MACROD2: variants seen among roughly 807,000 people sequenced by gnomAD.
MACROD2 encodes the protein mono-ADP ribosylhydrolase 2.
MACROD2 carries 36 observed loss-of-function variants against 70.4 expected under a neutral mutation model. That is an observed-to-expected ratio of 0.51 (90% confidence interval 0.39 to 0.68). The LOEUF (loss-of-function observed/expected upper bound fraction) is 0.68, where lower values mean the gene tolerates loss of function less well. Ranked by LOEUF, MACROD2 falls within the 30% of genes least tolerant of loss-of-function variation. The pLI, the probability that MACROD2 is intolerant of heterozygous loss-of-function variation, is 0.00. For synonymous variants in MACROD2, 172 were observed against 178.8 expected, an observed-to-expected ratio of 0.96 and a Z score of 0.30; for missense variants, 496 against 538.4, an observed-to-expected ratio of 0.92 and a Z score of 0.78.
chr20:14,700,042 T>C (rs184950140), intron 5 of MACROD2, among the ~76,000 whole-genome samples: 1 of 151,288 alleles, frequency 6.6e-6, no homozygotes, highest in East Asian at 1.9e-4. Context: ...AAGTTTAAAG[T>C]TTAAATCTAG....
At chr20:14,610,516 T>A (rs1006024874) in intron 4 of MACROD2, among the ~76,000 whole-genome samples, 4 of 152,136 alleles carry the variant, frequency 2.6e-5, no homozygotes, top group East Asian at 1.9e-4. Context: ...AGCAATAATG[T>A]TGGGATAAAT....
chr20:14,658,295 A>G (rs1179960379), intron 4 of MACROD2, among the ~76,000 whole-genome samples: 1 of 152,242 alleles, frequency 6.6e-6, no homozygotes, highest in Non-Finnish European at 1.5e-5. Flanking sequence ...GTTTAGCCAT[A>G]GCATGTGAAG....
intron 3 of MACROD2, chr20:14,223,455 A>G (rs1470162854): frequency 3.3e-5 from 5 of 151,972 alleles, no homozygotes; most frequent in Admixed American, 2.6e-4. Flanking sequence ...TCCAGGAAAG[A>G]CATCCTGGTG....
chr20:14,817,865 A>G (rs886662363), intron 5 of MACROD2, among the ~76,000 whole-genome samples: 3 of 152,154 alleles, frequency 2.0e-5, no homozygotes, highest in African/African-American at 7.2e-5. Context: ...CCAGCCTGCC[A>G]TGCAAAAGGA....
intron 15 of MACROD2, among the ~76,000 whole-genome samples, chr20:16,033,027 A>C (rs2067176076): frequency 6.6e-6 from 1 of 152,080 alleles, no homozygotes; most frequent in Non-Finnish European, 1.5e-5. Flanking sequence ...GACTAAAAAC[A>C]ATTATTCTTG....
chr20:14,376,505 T>C (rs1304604582), intron 3 of MACROD2, among the ~76,000 whole-genome samples: 1 of 152,054 alleles, frequency 6.6e-6, no homozygotes, highest in Admixed American at 6.6e-5. Flanking sequence ...CCCAGCACTT[T>C]GGGAGGCCAA....
rs79211311 is a variant in MACROD2 at position 15,908,480 on chromosome 20, T to G, written c.775+22669T>G. Among the ~76,000 whole-genome samples, 1,852 of 152,280 alleles carry G rather than the reference T, an allele frequency of 0.012. 62 individuals carry two copies. The East Asian group carries it at 0.15, about 12-fold the overall frequency. On this transcript the variant is annotated intron_variant, in intron 10 of 17. Transcript: ENST00000684519. ...GACTCTGCCCACATCTTTTAAAATA[T>G]CCCATATTAAACTTTTTACACCCCT...
intron 5 of MACROD2, among the ~76,000 whole-genome samples, chr20:14,966,315 C>G (rs1166729558): frequency 6.6e-6 from 1 of 152,094 alleles, no homozygotes; most frequent in Non-Finnish European, 1.5e-5. Context: ...ATGGAACATG[C>G]CTATAATCCC....
At chr20:14,110,850 C>T (rs2054440927) in intron 3 of MACROD2, among the ~76,000 whole-genome samples, 1 of 151,838 alleles carries the variant, frequency 6.6e-6, no homozygotes, top group Admixed American at 6.6e-5. Context: ...CAATGGCATT[C>T]TTCTTTACAG....
At chr20:14,747,754 C>T (rs2071818472) in intron 5 of MACROD2, among the ~76,000 whole-genome samples, 2 of 151,546 alleles carry the variant, frequency 1.3e-5, no homozygotes, top group African/African-American at 4.9e-5. Flanking sequence ...AAAGGGATCT[C>T]AATCTTGGTG....
At chr20:15,053,148 C>T (rs1049922921) in intron 5 of MACROD2, among the ~76,000 whole-genome samples, 2 of 152,186 alleles carry the variant, frequency 1.3e-5, no homozygotes, top group African/African-American at 2.4e-5. Context: ...AACATAAAAG[C>T]GCAGGTAAAG....
chr20:15,438,637 G>A (rs1179509486), intron 7 of MACROD2, among the ~76,000 whole-genome samples: 2 of 151,932 alleles, frequency 1.3e-5, no homozygotes, highest in Non-Finnish European at 2.9e-5. Flanking sequence ...AATTTTTTTA[G>A]CATTTGTGTC....
chr20:15,372,810 G>A (rs2045511083), intron 6 of MACROD2, among the ~76,000 whole-genome samples: 1 of 152,122 alleles, frequency 6.6e-6, no homozygotes. Flanking sequence ...CCAGTCCTTT[G>A]GGAGGTGAAG....
chr20:14,230,654 T>TATAAA lies in MACROD2; in HGVS notation c.271+144927_271+144928insTAAAA. ...GTTTATATATATATATATATATATA[T>TATAAA]AACACAGGCTGGGCCTATATATATA... On this transcript the variant is annotated intron_variant, in intron 3 of 17. Transcript: ENST00000684519. Among the ~76,000 whole-genome samples the TATAAA allele has an allele frequency of 6.7e-5, 5 of 74,236 alleles. 1 individual carries two copies. The highest frequency in any genetic ancestry group is 5.8e-4 in the East Asian group (1 of 1,726). The allele number at this position is 74,236 out of a possible 152,430, so 48.7% of individuals were successfully genotyped here. A position where few individuals can be genotyped will look rare whatever the true frequency, so the allele number is the denominator to read the frequency against.
rs535094487 is a variant in MACROD2, at chr20:14,936,055, G to A, written c.418+251096G>A. 1.2e-4 allele frequency among the ~76,000 whole-genome samples: 19 copies of A among 152,182 alleles called. No homozygotes were observed. In the East Asian group the frequency reaches 3.7e-3, roughly 29 times the overall value. On this transcript the variant is annotated intron_variant, in intron 5 of 17. Transcript: ENST00000684519. ...AGACAGCTGAGGTCTTTGCCCTCTT[G>A]TGCTTACATTTCAGTGGGGGATGCA...
chr20:14,078,063 T>G (rs892946275), intron 2 of MACROD2, among the ~76,000 whole-genome samples: 3 of 151,860 alleles, frequency 2.0e-5, no homozygotes, highest in Non-Finnish European at 4.4e-5. Context: ...CCACCACGCC[T>G]GGCTAATTTT....
intron 8 of MACROD2, among the ~76,000 whole-genome samples, chr20:15,772,084 C>CAAAAAAAAAA (rs753205618): frequency 2.8e-5 from 2 of 70,710 alleles, no homozygotes; most frequent in Admixed American, 2.3e-4. Flanking sequence ...GACTCGGTCT[C>CAAAAAAAAAA]AAAAAAAAAA....
intron 8 of MACROD2, among the ~76,000 whole-genome samples, chr20:15,624,932 T>C (rs1488640744): frequency 2.0e-5 from 3 of 152,222 alleles, no homozygotes; most frequent in African/African-American, 7.2e-5. Context: ...TTGATATAAG[T>C]AATTTTTAAT....
intron 5 of MACROD2, among the ~76,000 whole-genome samples, chr20:14,736,619 C>T (rs79122119): frequency 1.9e-4 from 29 of 152,172 alleles, no homozygotes; most frequent in African/African-American, 5.8e-4. Context: ...ATAATGATAA[C>T]GTACTCATTA....
Sources: allele counts gnomAD v4.1 joint callset (sites outside exome capture counted in the v4.1 genomes callset), GRCh38; gene constraint gnomAD v4.1.1; transcripts MANE v1.5; gene names NCBI Gene and HGNC (gene_info 2026-07-23, HGNC 2026-07-21).